The following PIP5K1A variants were observed in gnomAD, a reference collection of about 807,000 sequenced individuals.
PIP5K1A encodes the protein phosphatidylinositol-4-phosphate 5-kinase type 1 alpha.
In PIP5K1A, 46 loss-of-function variants were observed where a neutral mutation model predicts 72.9. The observed-to-expected ratio is 0.63, with a 90% CI of 0.50 to 0.81. The LOEUF (loss-of-function observed/expected upper bound fraction) is 0.81. Among genes scored for constraint, PIP5K1A ranks in the 30% least tolerant of loss-of-function variants. The pLI is 0.00. For synonymous variants in PIP5K1A, 228 were observed against 255.1 expected (o/e 0.89, Z 1.01); for missense variants, 458 against 706.1 (o/e 0.65, Z 3.98).
At chr1:151,232,760 GA>G (rs1196526445) in intron 7 of PIP5K1A, 57 bp downstream of exon 7, 1 of 1,504,738 alleles carries the variant, frequency 6.6e-7, no homozygotes, top group Non-Finnish European at 9.2e-7. Context: ...CAAGGCTGGG[GA>G]GGCTGTCTTC....
intron 1 of PIP5K1A, among the ~76,000 whole-genome samples, chr1:151,208,176 T>C (rs587712233): frequency 2.0e-5 from 3 of 151,846 alleles, no homozygotes; most frequent in East Asian, 2.0e-4. Flanking sequence ...TTCTTTGATA[T>C]ACTGCTTTTA....
chr1:151,196,223 A>G (rs1181882630), upstream of PIP5K1A, among the ~76,000 whole-genome samples: 1 of 152,098 alleles, frequency 6.6e-6, no homozygotes, highest in Non-Finnish European at 1.5e-5. Context: ...AAAGTAACTC[A>G]GGAAATGGTA....
chr1:151,238,075 C>A, intron 9 of PIP5K1A, 107 bp from the exon 10 acceptor site: 1 of 684,702 alleles, frequency 1.5e-6, no homozygotes, highest in Non-Finnish European at 2.7e-6. Flanking sequence ...ATCTGACCTT[C>A]TGGTTTATGG....
In PIP5K1A at chr1:151,239,176, G is replaced by A. The variant is rs1222053991; in HGVS notation, c.1276G>A (p.Gly426Arg). Residue 426 changes from glycine to arginine, a missense_variant and splice_region_variant, in exon 11 of 16, where the codon GGA (glycine) becomes AGA (arginine). By Grantham distance (125) the Gly-to-Arg change is moderately radical (BLOSUM62 -2). Transcript: ENST00000368888. ...EHSWKALVHD[G>R]DTVSVHRPGF... ...CTCTTGGAAAGCCCTGGTACATGAC[G>A]GAGTAAGTAGTAATACTAGAGGCTC... 10 of 1,601,890 alleles carry A rather than the reference G, an allele frequency of 6.2e-6. No homozygotes were observed. Among genetic ancestry groups the A allele is most frequent in the South Asian group, 1.1e-5 (1 of 90,706 alleles).
At chr1:151,219,762 G>A (rs587770106) in intron 1 of PIP5K1A, among the ~76,000 whole-genome samples, 1 of 152,070 alleles carries the variant, frequency 6.6e-6, no homozygotes, top group South Asian at 2.1e-4. Flanking sequence ...CCCGTACTTT[G>A]GGAGGCTGAG....
At chr1:151,215,219 G>T (rs1245386367) in intron 1 of PIP5K1A, among the ~76,000 whole-genome samples, 1 of 151,356 alleles carries the variant, frequency 6.6e-6, no homozygotes, top group African/African-American at 2.4e-5. Flanking sequence ...TGTATTTTTA[G>T]TAAAGACGGG....
chr1:151,197,574 C>T (rs587636701), upstream of PIP5K1A, among the ~76,000 whole-genome samples: 10 of 152,342 alleles, frequency 6.6e-5, no homozygotes, highest in African/African-American at 1.9e-4. Context: ...CCACCGCGCC[C>T]GGCCACAAAA....
At chr1:151,240,678 A>C (rs1378123460) in intron 12 of PIP5K1A, among the ~76,000 whole-genome samples, 2 of 152,194 alleles carry the variant, frequency 1.3e-5, no homozygotes, top group Non-Finnish European at 2.9e-5. Context: ...CTATAATCCC[A>C]GCACTTTGGG....
At position 151,236,749 on chromosome 1, in the gene PIP5K1A, G is replaced by A; in HGVS notation, c.1131G>A (p.Met377Ile). 6.2e-7 allele frequency: 1 copy of A among 1,613,456 alleles called. No individual in the cohort carries two copies. The highest frequency in any genetic ancestry group is 1.1e-5 in the South Asian group (1 of 91,054). The change falls in exon 9 of 16, where the codon ATG (methionine) becomes ATA (isoleucine). Residue 377 changes from methionine (M) to isoleucine (I), a missense_variant. Physicochemically the swap from Met to Ile is conservative, Grantham distance 10. This residue lies in a region of PIP5K1A where 220 missense variants were observed against 442.6 expected (regional missense o/e 0.50). Coordinates refer to ENST00000368888, the MANE Select transcript of PIP5K1A (RefSeq NM_001135638.2). ...GAGAGGCTCGACGGGGTGGTACCAT[G>A]GAGACTGATGACCAGTAAGTGGGCT... ...IQGEARRGGT[M>I]ETDDHMGGIP...
intron 8 of PIP5K1A, among the ~76,000 whole-genome samples, chr1:151,235,861 G>A (rs587624268): frequency 4.7e-5 from 7 of 149,738 alleles, no homozygotes; most frequent in South Asian, 2.1e-4. Flanking sequence ...GGTGGCTCAC[G>A]CCTGTAATCC....
chr1:151,231,444 A>G (rs987246856), intron 4 of PIP5K1A, among the ~76,000 whole-genome samples: 5 of 152,140 alleles, frequency 3.3e-5, no homozygotes, highest in Non-Finnish European at 7.3e-5. Context: ...AGAGAGTCCC[A>G]GCTTTGCTAC....
intron 3 of PIP5K1A, among the ~76,000 whole-genome samples, chr1:151,226,153 T>A (rs1235517331): frequency 6.6e-6 from 1 of 150,876 alleles, no homozygotes; most frequent in Non-Finnish European, 1.5e-5. Context: ...AGTGGTGCGA[T>A]CTCGGCTCAC....
At chr1:151,228,597 C>T (rs763405137) in intron 4 of PIP5K1A, among the ~76,000 whole-genome samples, 11 of 152,218 alleles carry the variant, frequency 7.2e-5, no homozygotes, top group Middle Eastern at 3.4e-3. Context: ...ACAGAAGCAT[C>T]CTGGATCCTT....
intron 1 of PIP5K1A, among the ~76,000 whole-genome samples, chr1:151,210,191 C>CG (rs1686597696): frequency 6.7e-6 from 1 of 149,598 alleles, no homozygotes; most frequent in African/African-American, 2.5e-5. Context: ...CCCTCCCCGG[C>CG]CCCCCCACTT....
chr1:151,219,275 G>T (rs971150367), intron 1 of PIP5K1A, among the ~76,000 whole-genome samples: 4 of 151,916 alleles, frequency 2.6e-5, no homozygotes, highest in African/African-American at 9.7e-5. Flanking sequence ...TGGCTACTCG[G>T]GAGGCTGAGA....
At position 151,236,782 on chromosome 1, in the gene PIP5K1A, A is replaced by G. The variant is rs1690920052; in HGVS notation, c.1145+19A>G. On this transcript the variant is annotated intron_variant, in intron 9 of 15. Coordinates refer to ENST00000368888, the MANE Select transcript of PIP5K1A (RefSeq NM_001135638.2). Reference sequence around the variant, plus strand: ...ATGACCAGTAAGTGGGCTCAGGGCCACTAGGGGGGAGAACATAGGCCCACA... The same window carrying G: ...ATGACCAGTAAGTGGGCTCAGGGCCGCTAGGGGGGAGAACATAGGCCCACA... 9 of 1,529,560 alleles carry G rather than the reference A, an allele frequency of 5.9e-6. No individual in the cohort carries two copies. Among genetic ancestry groups the G allele is most frequent in the South Asian group, 3.4e-5 (3 of 89,168 alleles). The allele number at this position is 1,529,560 out of a possible 1,614,324, so 94.7% of individuals were successfully genotyped here.
At chr1:151,245,539 T>C (rs957894998) in intron 14 of PIP5K1A, among the ~76,000 whole-genome samples, 11 of 152,120 alleles carry the variant, frequency 7.2e-5, no homozygotes, top group African/African-American at 2.4e-4. Flanking sequence ...CGATCTTGGT[T>C]CACTGCAGTC....
At chr1:151,219,273 C>T (rs1461321515) in intron 1 of PIP5K1A, among the ~76,000 whole-genome samples, 1 of 150,982 alleles carries the variant, frequency 6.6e-6, no homozygotes, top group African/African-American at 2.4e-5. Flanking sequence ...CCTGGCTACT[C>T]GGGAGGCTGA....
intron 14 of PIP5K1A, among the ~76,000 whole-genome samples, chr1:151,245,908 A>G (rs763957028): frequency 1.3e-5 from 2 of 152,240 alleles, no homozygotes; most frequent in Admixed American, 6.5e-5. Flanking sequence ...ATTATCTATT[A>G]TTGTGTAACA....
Sources: gnomAD v4.1 joint callset for allele counts (sites outside exome capture counted in the v4.1 genomes callset) on GRCh38, gnomAD v4.1.1 for gene constraint, gnomAD v4.1.1 regional missense constraint, MANE v1.5 for transcripts, NCBI Gene and HGNC (gene_info 2026-07-23, HGNC 2026-07-21) for gene names.